Variants in CACNA1E observed in about 807,000 individuals in gnomAD.
CACNA1E encodes voltage-dependent R-type calcium channel subunit alpha-1E.
A neutral mutation model predicts 259.2 loss-of-function variants in CACNA1E; 40 were observed. The ratio of observed to expected loss-of-function variants is 0.15; its 90% CI spans 0.12 to 0.20. The LOEUF (loss-of-function observed/expected upper bound fraction) is 0.20. Among genes scored for constraint, CACNA1E ranks in the 10% least tolerant of loss-of-function variants. CACNA1E has a pLI of 1.00. For missense variants in CACNA1E, 1,874 were observed against 3,040.1 expected (o/e 0.62, Z 9.02); for synonymous variants, 1,104 against 1,138.5 (o/e 0.97, Z 0.61).
rs776690062 is a variant in CACNA1E, at chr1:181,758,714, C to T, written c.4495-44C>T. ...CAGTGACATGTATTCCCCCTCTTACCTTAAGGCTGTGATTCTTTCTCTCTT... is the reference window on the plus strand; with the variant it reads ...CAGTGACATGTATTCCCCCTCTTACTTTAAGGCTGTGATTCTTTCTCTCTT... On this transcript the variant is annotated intron_variant, in intron 31 of 47. Transcript: ENST00000367573. The surrounding 1 kb of genome is among the most constrained non-coding windows in gnomAD (Gnocchi z 4.2). 12 of 1,146,714 alleles carry T rather than the reference C, an allele frequency of 1.0e-5. No homozygotes were observed. Among genetic ancestry groups the T allele is most frequent in the African/African-American group, 1.5e-5 (1 of 65,568 alleles). The allele number at this position is 1,146,714 out of a possible 1,614,324, so 71.0% of individuals were successfully genotyped here.
At chr1:181,370,470 C>T (rs1654608194) in intron 1 of CACNA1E, among the ~76,000 whole-genome samples, 1 of 152,082 alleles carries the variant, frequency 6.6e-6, no homozygotes, top group African/African-American at 2.4e-5. Context: ...TTGTTGTTCC[C>T]CTCTTTATGC....
At chr1:181,766,650 T>A (rs765431795) in intron 35 of CACNA1E, 39 bp downstream of exon 35, 3 of 1,474,988 alleles carry the variant, frequency 2.0e-6, no homozygotes, top group Non-Finnish European at 1.9e-6. Context: ...GGGACAGCTG[T>A]TACCCAGATA....
At position 181,790,521 on chromosome 1, in the gene CACNA1E, G is replaced by A. The variant is rs704326; in HGVS notation, c.5863G>A (p.Ala1955Thr). 0.43 allele frequency: 684,690 copies of A among 1,608,712 alleles called. 152,777 individuals carry two copies. The highest frequency in any genetic ancestry group is 0.46 in the Non-Finnish European group (542,737 of 1,175,234). ...DIFQLACMDP[A>T]DDGQFQERQS... Reference sequence around the variant, plus strand: ...ATTCCAGTTGGCTTGTATGGACCCCGCCGATGACGGACAGTTCCAAGAACG... The same window carrying A: ...ATTCCAGTTGGCTTGTATGGACCCCACCGATGACGGACAGTTCCAAGAACG... The change falls in exon 44 of 48, where the codon GCC (alanine) becomes ACC (threonine). Residue 1955 changes from alanine to threonine, a missense_variant. Physicochemically the swap from Ala to Thr is moderately conservative, Grantham distance 58 (BLOSUM62 0). This residue lies in a region of CACNA1E where 542 missense variants were observed against 587.2 expected (regional missense o/e 0.92). Coordinates refer to ENST00000367573, the MANE Select transcript of CACNA1E (RefSeq NM_001205293.3).
intron 3 of CACNA1E, among the ~76,000 whole-genome samples, chr1:181,523,288 A>G (rs1667122909): frequency 6.6e-6 from 1 of 152,248 alleles, no homozygotes; most frequent in Non-Finnish European, 1.5e-5. Flanking sequence ...TCTAAGCAAC[A>G]AGAAGTCACC....
rs116855529 is a variant in CACNA1E at position 181,369,849 on chromosome 1, A to G, written c.-14-43284A>G. 3.0e-3 allele frequency among the ~76,000 whole-genome samples: 462 copies of G among 152,330 alleles called. 5 individuals are homozygous for G. Among genetic ancestry groups the G allele is most frequent in the East Asian group, 0.02 (103 of 5,184 alleles). Reference sequence around the variant, plus strand: ...AAGGGTACATGTTCAGGTTTGTCATATAGGCAAATTGTGTGTCATGGGGGT... The same window carrying G: ...AAGGGTACATGTTCAGGTTTGTCATGTAGGCAAATTGTGTGTCATGGGGGT... On this transcript the variant is annotated intron_variant, in intron 1 of 11. Coordinates refer to the CACNA1E transcript ENST00000524607.
chr1:181,676,555 T>C (rs562444715), intron 7 of CACNA1E, among the ~76,000 whole-genome samples: 2 of 152,262 alleles, frequency 1.3e-5, no homozygotes, highest in South Asian at 4.1e-4. Context: ...GCTCTGTGTC[T>C]GGCACACAGT....
rs1572630449 is a variant in CACNA1E, at chr1:181,696,969, ATG to A, written c.1056-13982_1056-13981del. Among the ~76,000 whole-genome samples, 4 of 152,176 alleles carry A rather than the reference ATG, an allele frequency of 2.6e-5. No homozygotes were observed. In the East Asian group the frequency reaches 5.8e-4, roughly 22 times the overall value. On this transcript the variant is annotated intron_variant, in intron 7 of 47. Transcript: ENST00000367573. ...TTCCTGCTTCCTGCACATAATAAGA[ATG>A]TGAATTTAATGCCTTCTTTATAGCC...
chr1:181,748,253 AGT>A (rs1194597973), intron 25 of CACNA1E, among the ~76,000 whole-genome samples: 1 of 152,134 alleles, frequency 6.6e-6, no homozygotes. Flanking sequence ...TTAAGATTAG[AGT>A]GTACCATTAA....
At chr1:181,567,170 G>C (rs1460327457) in intron 3 of CACNA1E, among the ~76,000 whole-genome samples, 1 of 152,108 alleles carries the variant, frequency 6.6e-6, no homozygotes, top group African/African-American at 2.4e-5. Context: ...ATACCCGCTA[G>C]GATTTTTCTG....
rs12045458 is a variant in CACNA1E at position 181,802,856 on chromosome 1, A to C, written c.*4022A>C. The C allele has an allele frequency of 6.6e-6, 1 of 152,032 alleles. No homozygotes were observed. Among genetic ancestry groups the C allele is most frequent in the Non-Finnish European group, 1.5e-5 (1 of 68,000 alleles). 9.4% of individuals were successfully genotyped at this position (152,032 alleles called of 1,614,324 possible). A position where few individuals can be genotyped will look rare whatever the true frequency, so the allele number is the denominator to read the frequency against. On this transcript the variant is annotated 3_prime_UTR_variant, in exon 48 of 48. Transcript: ENST00000367573. ...TCTGGATGTTTCATTTTTTTGGACAAAGTGTTTCTTTAGTGGTTGGGGCCA... is the reference window on the plus strand; with the variant it reads ...TCTGGATGTTTCATTTTTTTGGACACAGTGTTTCTTTAGTGGTTGGGGCCA...
intron 8 of CACNA1E, among the ~76,000 whole-genome samples, chr1:181,714,939 G>T (rs1203311148): frequency 1.3e-5 from 2 of 151,988 alleles, no homozygotes; most frequent in East Asian, 1.9e-4. Flanking sequence ...ATGGCCACTG[G>T]CAAGAGAAGC....
chr1:181,409,602 G>C (rs978870538), intron 1 of CACNA1E, among the ~76,000 whole-genome samples: 9 of 152,202 alleles, frequency 5.9e-5, no homozygotes, highest in African/African-American at 1.9e-4. Flanking sequence ...GGGGATTGGA[G>C]GGGGAAGGCT....
intron 6 of CACNA1E, among the ~76,000 whole-genome samples, chr1:181,642,786 C>T (rs944772882): frequency 1.3e-5 from 2 of 152,232 alleles, no homozygotes; most frequent in African/African-American, 4.8e-5. Flanking sequence ...GGGATCCCAG[C>T]CTGGATGGCC....
At chr1:181,473,536 C>T (rs1220977473) in intron 2 of CACNA1E, among the ~76,000 whole-genome samples, 1 of 151,800 alleles carries the variant, frequency 6.6e-6, no homozygotes, top group Non-Finnish European at 1.5e-5. Flanking sequence ...TATCAGTAGC[C>T]CCATGCGATT....
rs188194406 is a variant in CACNA1E, at chr1:181,401,446, G to A, written c.-14-11687G>A. Among the ~76,000 whole-genome samples, 5 of 152,216 alleles carry A rather than the reference G, an allele frequency of 3.3e-5. No individual in the cohort carries two copies. The East Asian group carries it at 7.7e-4, about 24-fold the overall frequency. On this transcript the variant is annotated intron_variant, in intron 1 of 11. Coordinates refer to the CACNA1E transcript ENST00000524607. ...TGTTTATTTTTCTGTTTTAAGCTCT[G>A]GTGGCTGGCACAATGTTGGGCAAGT...
At chr1:181,376,091 C>G (rs1034418498) in intron 1 of CACNA1E, among the ~76,000 whole-genome samples, 6 of 152,166 alleles carry the variant, frequency 3.9e-5, no homozygotes, top group Non-Finnish European at 8.8e-5. Flanking sequence ...GTTTGACACA[C>G]ATAAGGCACT....
chr1:181,467,553 C>T (rs761793017), intron 2 of CACNA1E, among the ~76,000 whole-genome samples: 1 of 152,090 alleles, frequency 6.6e-6, no homozygotes, highest in South Asian at 2.1e-4. Context: ...CTTGGGTTGT[C>T]CCTTCAGACT....
chr1:181,647,603 G>A (rs527781302), intron 6 of CACNA1E, among the ~76,000 whole-genome samples: 1 of 152,304 alleles, frequency 6.6e-6, no homozygotes, highest in South Asian at 2.1e-4. Context: ...GCCTTGAGTT[G>A]TCGGTTGCTG....
chr1:181,560,787 T>C (rs1419377480), intron 3 of CACNA1E, among the ~76,000 whole-genome samples: 3 of 152,236 alleles, frequency 2.0e-5, no homozygotes, highest in African/African-American at 7.2e-5. Flanking sequence ...TGTACACCCA[T>C]GTTCACAGCA....
Sources: gnomAD v4.1 joint callset for allele counts (sites outside exome capture counted in the v4.1 genomes callset) on GRCh38, gnomAD v4.1.1 for gene constraint, gnomAD v4.1.1 regional missense constraint, Gnocchi (gnomAD v3.1) non-coding constraint, MANE v1.5 for transcripts, NCBI Gene and HGNC (gene_info 2026-07-23, HGNC 2026-07-21) for gene names.